NAALADL2: variants seen among roughly 807,000 people sequenced by gnomAD.
NAALADL2 encodes the protein inactive N-acetylated-alpha-linked acidic dipeptidase-like protein 2.
Under a neutral mutation model 87.2 loss-of-function variants are expected in NAALADL2, and 76 were observed. That is an observed-to-expected ratio of 0.87 (90% CI 0.72 to 1.05). The LOEUF (loss-of-function observed/expected upper bound fraction) is 1.05, where lower values mean the gene tolerates loss of function less well. NAALADL2 is among the 50% of genes least tolerant of loss of function. The pLI is 0.00. For synonymous variants in NAALADL2, 354 were observed against 331.0 expected (o/e 1.07, Z -0.75); for missense variants, 1,089 against 945.8 (o/e 1.15, Z -1.99).
chr3:175,340,259 TG>T (rs1387707037), intron 5 of NAALADL2, among the ~76,000 whole-genome samples: 2 of 152,328 alleles, frequency 1.3e-5, no homozygotes, highest in East Asian at 1.9e-4. Flanking sequence ...ATAATTAGGA[TG>T]GCTATAAAAT....
At chr3:175,012,350 TAG>T (rs1448670540) in intron 1 of NAALADL2, among the ~76,000 whole-genome samples, 1 of 151,904 alleles carries the variant, frequency 6.6e-6, no homozygotes, top group African/African-American at 2.4e-5. Context: ...TTATTTTTAG[TAG>T]AGACGGAGTT....
chr3:174,833,093 A>G (rs1722920455), intron 3 of NAALADL2, among the ~76,000 whole-genome samples: 1 of 152,090 alleles, frequency 6.6e-6, no homozygotes, highest in Non-Finnish European at 1.5e-5. Flanking sequence ...AATACTGTCT[A>G]TTTAATTTTA....
chr3:174,710,543 C>T lies in NAALADL2; in HGVS notation c.-114-27098C>T, dbSNP rs564020055. ...TGCTGGGATTACAGGCATGAGCCAC[C>T]GCCTCCGACCCTCATATGAGCCTTT... On this transcript the variant is annotated intron_variant, in intron 2 of 3. Coordinates refer to the NAALADL2 transcript ENST00000434257. 1.8e-4 allele frequency among the ~76,000 whole-genome samples: 27 copies of T among 152,248 alleles called. 2 individuals are homozygous for T. The South Asian group carries it at 5.6e-3, about 32-fold the overall frequency.
rs192307091 is a variant in NAALADL2, at chr3:175,617,795, T to C, written c.1801-9496T>C. Among the ~76,000 whole-genome samples, 240 of 152,324 alleles carry C rather than the reference T, an allele frequency of 1.6e-3. 1 individual carries two copies. Among genetic ancestry groups the C allele is most frequent in the African/African-American group, 5.5e-3 (227 of 41,586 alleles). ...GCTAGAGAAGCTTTACCAAGGCCTC[T>C]CTCAGCCCTTCTGGGAAGGCAGTGA... On this transcript the variant is annotated intron_variant, in intron 10 of 13. Transcript: ENST00000454872.
intron 5 of NAALADL2, among the ~76,000 whole-genome samples, chr3:175,440,904 A>G (rs1254602343): frequency 6.6e-6 from 1 of 152,138 alleles, no homozygotes; most frequent in Non-Finnish European, 1.5e-5. Flanking sequence ...TGCTCTGGCT[A>G]GGACTTCCTC....
intron 11 of NAALADL2, among the ~76,000 whole-genome samples, chr3:175,689,100 G>T (rs753489975): frequency 3.3e-5 from 5 of 152,038 alleles, no homozygotes; most frequent in Admixed American, 6.5e-5. Context: ...TCTGACAAAG[G>T]TTTTAATATA....
At chr3:175,425,831 T>A (rs184855254) in intron 5 of NAALADL2, among the ~76,000 whole-genome samples, 4 of 152,236 alleles carry the variant, frequency 2.6e-5, no homozygotes, top group African/African-American at 9.6e-5. Flanking sequence ...AGTACTATAT[T>A]TGTTAGAATA....
intron 2 of NAALADL2, among the ~76,000 whole-genome samples, chr3:174,614,839 A>G (rs1234476916): frequency 6.6e-6 from 1 of 152,070 alleles, no homozygotes; most frequent in Non-Finnish European, 1.5e-5. Flanking sequence ...TCTTTTTCCT[A>G]GAGTGTCTAA....
At chr3:175,244,745 G>C (rs1747636689) in intron 3 of NAALADL2, among the ~76,000 whole-genome samples, 1 of 152,052 alleles carries the variant, frequency 6.6e-6, no homozygotes, top group Admixed American at 6.6e-5. Context: ...TCTGTGCATG[G>C]CTTCTCATCA....
chr3:175,008,224 T>G (rs1749298094), intron 1 of NAALADL2, among the ~76,000 whole-genome samples: 1 of 151,728 alleles, frequency 6.6e-6, no homozygotes, highest in South Asian at 2.1e-4. Flanking sequence ...CAAAAAAAAT[T>G]GAAAAATAAA....
chr3:175,576,609 T>C (rs1424236285), intron 10 of NAALADL2, among the ~76,000 whole-genome samples: 1 of 152,242 alleles, frequency 6.6e-6, no homozygotes, highest in Non-Finnish European at 1.5e-5. Flanking sequence ...AGTTTGTCAA[T>C]AGTTTGCCTG....
intron 5 of NAALADL2, among the ~76,000 whole-genome samples, chr3:175,434,206 G>A (rs1718248621): frequency 6.6e-6 from 1 of 151,918 alleles, no homozygotes; most frequent in Non-Finnish European, 1.5e-5. Flanking sequence ...TAACTACAAA[G>A]AGCCTCTTTC....
At chr3:175,358,080 A>T (rs1439002031) in intron 5 of NAALADL2, among the ~76,000 whole-genome samples, 1 of 152,182 alleles carries the variant, frequency 6.6e-6, no homozygotes, top group East Asian at 1.9e-4. Context: ...AAACCATAAA[A>T]TCGCAAGTGA....
At chr3:174,491,863 CT>C (rs1718215924) in intron 1 of NAALADL2, among the ~76,000 whole-genome samples, 1 of 152,052 alleles carries the variant, frequency 6.6e-6, no homozygotes, top group African/African-American at 2.4e-5. Flanking sequence ...GAGAAATGAA[CT>C]TTTTCAAATG....
intron 3 of NAALADL2, among the ~76,000 whole-genome samples, chr3:174,750,768 G>A (rs917553337): frequency 6.6e-6 from 1 of 152,070 alleles, no homozygotes; most frequent in Non-Finnish European, 1.5e-5. Context: ...TAAAGCATTG[G>A]AAAGTATCCA....
chr3:175,257,379 TTTA>T (rs1263553472), intron 4 of NAALADL2, among the ~76,000 whole-genome samples: 2 of 151,346 alleles, frequency 1.3e-5, no homozygotes, highest in East Asian at 1.9e-4. Flanking sequence ...CTGTTTTTTT[TTTA>T]TTATCTTCCA....
At chr3:174,919,227 GAT>G in intron 1 of NAALADL2, among the ~76,000 whole-genome samples, 1 of 151,964 alleles carries the variant, frequency 6.6e-6, no homozygotes, top group Admixed American at 6.6e-5. Context: ...AAACAATAAA[GAT>G]TGCCACATTC....
chr3:175,565,829 CTTTTT>C (rs34325475), intron 9 of NAALADL2, among the ~76,000 whole-genome samples: 2 of 114,812 alleles, frequency 1.7e-5, no homozygotes, highest in African/African-American at 3.4e-5. Flanking sequence ...AGCCCCCCCC[CTTTTT>C]TTTTTTTTTT....
In NAALADL2 at chr3:175,780,078, T is replaced by C. The variant is rs527658274; in HGVS notation, c.2190-22927T>C. Among the ~76,000 whole-genome samples, 513 of 151,446 alleles carry C rather than the reference T, an allele frequency of 3.4e-3. 4 individuals carry two copies. Among genetic ancestry groups the C allele is most frequent in the Middle Eastern group, 6.8e-3 (2 of 292 alleles). On this transcript the variant is annotated intron_variant, in intron 13 of 13. Coordinates refer to ENST00000454872, the MANE Select transcript of NAALADL2 (RefSeq NM_207015.3). ...GGTCAGTAGATCGAGACCATCCTGGTTAACACGGTGAAACCCTGTCTCTAC... is the reference window on the plus strand; with the variant it reads ...GGTCAGTAGATCGAGACCATCCTGGCTAACACGGTGAAACCCTGTCTCTAC...
Sources: allele counts gnomAD v4.1 joint callset (sites outside exome capture counted in the v4.1 genomes callset), GRCh38; gene constraint gnomAD v4.1.1; transcripts MANE v1.5; gene names NCBI Gene and HGNC (gene_info 2026-07-23, HGNC 2026-07-21).